MEIS1: variants seen among roughly 807,000 people sequenced by gnomAD.
The protein encoded by MEIS1 is Meis homeobox 1, also known as homeobox protein Meis1.
MEIS1 carries 5 observed loss-of-function variants against 50.8 expected under a neutral mutation model. The ratio of observed to expected loss-of-function variants is 0.10; its 90% CI spans 0.05 to 0.21. The LOEUF is 0.21. Ranked by LOEUF, MEIS1 falls within the 10% of genes least tolerant of loss-of-function variation. The pLI is 1.00. For missense variants in MEIS1, 318 were observed against 517.3 expected, an observed-to-expected ratio of 0.61 and a Z score of 3.74; for synonymous variants, 176 against 179.3, an observed-to-expected ratio of 0.98 and a Z score of 0.15.
rs545560975 is a variant in MEIS1, at chr2:66,469,156, T to C, written c.742+4936T>C. Among the ~76,000 whole-genome samples, 18 of 151,634 alleles carry C rather than the reference T, an allele frequency of 1.2e-4. 2 individuals carry two copies. In the South Asian group the frequency reaches 3.7e-3, roughly 32 times the overall value. On this transcript the variant is annotated intron_variant, in intron 7 of 12. Coordinates refer to ENST00000272369, the MANE Select transcript of MEIS1 (RefSeq NM_002398.3). The stretch of plus-strand genomic sequence containing the variant: ...AAAACCCACTTATGAACTTCTCCTT[T>C]AGGAGGCAGGACTCAGAATAACAAT...
intron 7 of MEIS1, among the ~76,000 whole-genome samples, chr2:66,473,397 A>AAAAAAAT: frequency 9.3e-6 from 1 of 107,616 alleles, no homozygotes; most frequent in Non-Finnish European, 1.7e-5. Context: ...AAAAAAAAAA[A>AAAAAAAT]ATATATATAT....
chr2:66,483,780 A>G (rs188879633), intron 7 of MEIS1, among the ~76,000 whole-genome samples: 1 of 152,358 alleles, frequency 6.6e-6, no homozygotes, highest in Admixed American at 6.5e-5. Flanking sequence ...TACAGGTTGA[A>G]TGGCATACCT....
chr2:66,503,684 T>C (rs917323794), intron 7 of MEIS1, among the ~76,000 whole-genome samples: 15 of 150,892 alleles, frequency 9.9e-5, no homozygotes, highest in Non-Finnish European at 1.9e-4. Flanking sequence ...GTTAAATGAA[T>C]GAACGAATAA....
intron 7 of MEIS1, among the ~76,000 whole-genome samples, chr2:66,488,873 G>A (rs142668759): frequency 6.6e-6 from 1 of 152,114 alleles, no homozygotes; most frequent in East Asian, 1.9e-4. Flanking sequence ...TTAATAAATG[G>A]CATTAAAAGC....
At chr2:66,494,865 G>A (rs1270999132) in intron 7 of MEIS1, among the ~76,000 whole-genome samples, 1 of 152,102 alleles carries the variant, frequency 6.6e-6, no homozygotes, top group Non-Finnish European at 1.5e-5. Flanking sequence ...GAGGACCCAG[G>A]TTCTGACCTT....
rs916282384 is a variant in MEIS1 at position 66,464,017 on chromosome 2, G to A, written c.631-92G>A. 22 of 868,328 alleles carry A rather than the reference G, an allele frequency of 2.5e-5. No individual in the cohort carries two copies. In the African/African-American group the frequency reaches 3.3e-4, roughly 13 times the overall value. 53.8% of individuals were successfully genotyped at this position (868,328 alleles called of 1,614,324 possible). A position where few individuals can be genotyped will look rare whatever the true frequency, so the allele number is the denominator to read the frequency against. ...AAAGGTGGCATGGTTATGTGCTCCA[G>A]CCCTCCATGGCTTTGTCATTATGCC... On this transcript the variant is annotated intron_variant, in intron 6 of 12. Transcript: ENST00000272369.
chr2:66,498,976 T>C (rs187739337), intron 7 of MEIS1, among the ~76,000 whole-genome samples: 406 of 152,328 alleles, frequency 2.7e-3, no homozygotes, highest in Non-Finnish European at 4.7e-3. Flanking sequence ...ATCTTTACTG[T>C]GCCCACCAAA....
At chr2:66,500,613 C>T (rs1324687280) in intron 7 of MEIS1, among the ~76,000 whole-genome samples, 1 of 151,934 alleles carries the variant, frequency 6.6e-6, no homozygotes, top group Non-Finnish European at 1.5e-5. Flanking sequence ...TTAGTAGAGG[C>T]AGAGTTTCAC....
intron 7 of MEIS1, among the ~76,000 whole-genome samples, chr2:66,494,896 A>G (rs1305679022): frequency 6.6e-6 from 1 of 151,988 alleles, no homozygotes; most frequent in African/African-American, 2.4e-5. Flanking sequence ...ATGAATGCAT[A>G]TGTTTGGGGA....
chr2:66,437,826 G>A lies in MEIS1; in HGVS notation c.102G>A (p.Gln34=). 6.2e-7 allele frequency: 1 copy of A among 1,613,966 alleles called. No homozygotes were observed. Among genetic ancestry groups the A allele is most frequent in the Non-Finnish European group, 8.5e-7 (1 of 1,179,890 alleles). ...YGDPHAARSM[Q]PVHHLNHGPP... ...ACCCGCATGCAGCCAGGTCCATGCA[G>A]CCGGTCCACCACCTGAACCACGGGC... Residue 34 remains glutamine, a synonymous_variant, in exon 2 of 13, where the codon CAG becomes CAA. Coordinates refer to ENST00000272369, the MANE Select transcript of MEIS1 (RefSeq NM_002398.3).
chr2:66,547,335 T>C (rs1674815539), intron 8 of MEIS1, among the ~76,000 whole-genome samples: 1 of 152,196 alleles, frequency 6.6e-6, no homozygotes, highest in African/African-American at 2.4e-5. Context: ...TATATTGGCC[T>C]GTGTTCAGAA....
intron 8 of MEIS1, among the ~76,000 whole-genome samples, chr2:66,525,362 C>G (rs1405080629): frequency 6.6e-6 from 1 of 152,146 alleles, no homozygotes; most frequent in African/African-American, 2.4e-5. Context: ...CAGCAAGCTC[C>G]TATTGCTGCT....
intron 7 of MEIS1, chr2:66,509,203 T>G: frequency 2.8e-6 from 1 of 363,334 alleles, no homozygotes; most frequent in Non-Finnish European, 5.7e-6. Flanking sequence ...TGGAAGAGGT[T>G]AAACAATTTA....
chr2:66,498,212 C>T (rs529136197), intron 7 of MEIS1, among the ~76,000 whole-genome samples: 2 of 152,094 alleles, frequency 1.3e-5, no homozygotes, highest in African/African-American at 2.4e-5. Flanking sequence ...AACTCACATT[C>T]GCTGAGCTAA....
intron 12 of MEIS1, 69 bp from the exon 13 acceptor site, chr2:66,571,177 T>C (rs1675477986): frequency 3.4e-6 from 5 of 1,479,262 alleles, no homozygotes; most frequent in Middle Eastern, 1.8e-4. Flanking sequence ...AGGATTGTCA[T>C]AGCCAGGACC....
intron 9 of MEIS1, among the ~76,000 whole-genome samples, chr2:66,548,399 G>A (rs1265992822): frequency 6.6e-6 from 1 of 152,082 alleles, no homozygotes; most frequent in African/African-American, 2.4e-5. Flanking sequence ...TATCAGTCAG[G>A]TTTAAATTCA....
chr2:66,451,527 G>T lies in MEIS1; in HGVS notation c.630+8479G>T, dbSNP rs1051402062. Reference sequence around the variant, plus strand: ...TCTTCTTTTAAAAATATTAGAAGCTGAATGAATAAGAATTTCTTTGACAAT... The same window carrying T: ...TCTTCTTTTAAAAATATTAGAAGCTTAATGAATAAGAATTTCTTTGACAAT... On this transcript the variant is annotated intron_variant, in intron 6 of 12. Coordinates refer to ENST00000272369, the MANE Select transcript of MEIS1 (RefSeq NM_002398.3). Among the ~76,000 whole-genome samples, 6 of 152,136 alleles carry T rather than the reference G, an allele frequency of 3.9e-5. No homozygotes were observed. In the South Asian group the frequency reaches 8.3e-4, roughly 21 times the overall value.
Position 66,551,746 on chromosome 2 carries a change from C to T in MEIS1, c.965+3727C>T, listed in dbSNP as rs181369784. On this transcript the variant is annotated intron_variant, in intron 9 of 12. Transcript: ENST00000272369. The stretch of plus-strand genomic sequence containing the variant: ...GTTGACTTAGATTTAAAAGTGTAAT[C>T]ATTTTCGAAACATAATATGCACCAG... Among the ~76,000 whole-genome samples, 33 of 151,834 alleles carry T rather than the reference C, an allele frequency of 2.2e-4. 1 individual carries two copies. The Middle Eastern group carries it at 0.014, about 63-fold the overall frequency.
At chr2:66,513,097 A>C (rs1402830176) in intron 8 of MEIS1, among the ~76,000 whole-genome samples, 5 of 152,192 alleles carry the variant, frequency 3.3e-5, no homozygotes, top group Non-Finnish European at 4.4e-5. Context: ...AGTGCATACC[A>C]ATTTAAAGAA....
Sources: gnomAD v4.1 joint callset for allele counts (sites outside exome capture counted in the v4.1 genomes callset) on GRCh38, gnomAD v4.1.1 for gene constraint, MANE v1.5 for transcripts, NCBI Gene and HGNC (gene_info 2026-07-23, HGNC 2026-07-21) for gene names.